SMU1: variants seen among roughly 807,000 people sequenced by gnomAD.
SMU1 encodes the protein WD40 repeat-containing protein SMU1.
Under a neutral mutation model 62.0 loss-of-function variants are expected in SMU1, and 2 were observed. The observed-to-expected ratio is 0.03, with a 90% CI of 0.01 to 0.10. The LOEUF is 0.10. SMU1 is among the 10% of genes least tolerant of loss of function. SMU1 has a pLI of 1.00. For missense variants in SMU1, 227 were observed against 622.1 expected (o/e 0.36, Z 6.76); for synonymous variants, 188 against 212.4 (o/e 0.89, Z 1.00).
In SMU1 at chr9:33,047,339, A is replaced by G. The variant is rs759983891; in HGVS notation, c.1496T>C (p.Ile499Thr). The change falls in exon 12 of 12, where the codon ATT (isoleucine) becomes ACT (threonine). Residue 499 changes from isoleucine to threonine, a missense_variant. By Grantham distance (89) the Ile-to-Thr change is moderately conservative. Around this residue, in one of 5 missense-constraint regions of SMU1, gnomAD observed 25 missense variants for 116.2 expected, o/e 0.22. Transcript: ENST00000397149. Reference sequence around the variant, plus strand: ...GAGTCCATCTTCACTGTAGGTAGCAATCAGGTTCTGATGAGGGTGATGTGC... The same window carrying G: ...GAGTCCATCTTCACTGTAGGTAGCAGTCAGGTTCTGATGAGGGTGATGTGC... ...GIAHHPHQNL[I>T]ATYSEDGLLK... 6.2e-7 allele frequency: 1 copy of G among 1,613,662 alleles called. No homozygotes were observed. The highest frequency in any genetic ancestry group is 1.1e-5 in the South Asian group (1 of 91,040).
chr9:33,063,238 T>G (rs185724754), intron 4 of SMU1, among the ~76,000 whole-genome samples: 1 of 152,228 alleles, frequency 6.6e-6, no homozygotes. Context: ...GGTGCATGCC[T>G]GTAATCCCAG....
intron 11 of SMU1, 40 bp from the exon 12 acceptor site, chr9:33,047,431 G>C (rs1381200030): frequency 6.5e-7 from 1 of 1,546,128 alleles, no homozygotes; most frequent in Non-Finnish European, 8.9e-7. Context: ...GTACAGATCT[G>C]CAATAAATCA....
intron 8 of SMU1, among the ~76,000 whole-genome samples, 180 bp downstream of exon 8, chr9:33,056,656 AT>A (rs942912669): frequency 2.0e-5 from 3 of 152,298 alleles, no homozygotes; most frequent in Admixed American, 2.0e-4. Context: ...AAAAACTCAA[AT>A]GACACAACAA....
chr9:33,060,087 G>A (rs906941654), intron 6 of SMU1, among the ~76,000 whole-genome samples: 3 of 152,112 alleles, frequency 2.0e-5, no homozygotes, highest in African/African-American at 7.2e-5. Flanking sequence ...ATGGCTCACT[G>A]CAACCTCAAA....
chr9:33,042,020 G>A lies in SMU1; in HGVS notation c.*5273C>T, dbSNP rs1290847049. Reference sequence around the variant, plus strand: ...ATTTTGGAAATACAATAGTGGTTGCGTAACATCGTAAATAATGCCACTGAA... The same window carrying A: ...ATTTTGGAAATACAATAGTGGTTGCATAACATCGTAAATAATGCCACTGAA... On this transcript the variant is annotated 3_prime_UTR_variant, in exon 12 of 12. Coordinates refer to ENST00000397149, the MANE Select transcript of SMU1 (RefSeq NM_018225.3). The A allele has an allele frequency of 1.3e-5, 2 of 152,270 alleles. No homozygotes were observed. Among genetic ancestry groups the A allele is most frequent in the Non-Finnish European group, 2.9e-5 (2 of 68,020 alleles). 9.4% of individuals were successfully genotyped at this position (152,270 alleles called of 1,614,324 possible).
Position 33,045,985 on chromosome 9 carries a change from G to A in SMU1, c.*1308C>T, listed in dbSNP as rs1050364824. ...AAGGCCTGCAGAAATAAGAACTCAC[G>A]TTCTTGAAAGTACTGCCTAGCATGG... is the stretch of plus-strand genomic sequence containing the variant. On this transcript the variant is annotated 3_prime_UTR_variant, in exon 12 of 12. Coordinates refer to ENST00000397149, the MANE Select transcript of SMU1 (RefSeq NM_018225.3). 1.3e-5 allele frequency: 2 copies of A among 152,186 alleles called. No homozygotes were observed. Among genetic ancestry groups the A allele is most frequent in the Non-Finnish European group, 2.9e-5 (2 of 68,036 alleles). 9.4% of individuals were successfully genotyped at this position (152,186 alleles called of 1,614,324 possible).
At chr9:33,066,786 C>T (rs1839425469) in intron 4 of SMU1, among the ~76,000 whole-genome samples, 2 of 149,416 alleles carry the variant, frequency 1.3e-5, no homozygotes, top group South Asian at 4.2e-4. Context: ...AGCCTGGCGA[C>T]AGAGTGAGAC....
chr9:33,075,973 G>A (rs1839541364), intron 1 of SMU1, among the ~76,000 whole-genome samples: 1 of 152,108 alleles, frequency 6.6e-6, no homozygotes. Flanking sequence ...TGCCAGATCG[G>A]GCCTGATAGT....
intron 4 of SMU1, among the ~76,000 whole-genome samples, chr9:33,067,661 G>C (rs544392859): frequency 7.7e-4 from 117 of 152,082 alleles, no homozygotes; most frequent in African/African-American, 2.7e-3. Flanking sequence ...ACCACGCCCA[G>C]CTAATTTTTG....
intron 9 of SMU1, 140 bp from the exon 10 acceptor site, chr9:33,053,430 C>A: frequency 1.2e-6 from 1 of 803,058 alleles, no homozygotes; most frequent in Non-Finnish European, 1.9e-6. Flanking sequence ...ATTTTAGGTC[C>A]AATCAAATAC....
chr9:33,053,032 T>G, intron 10 of SMU1, 91 bp downstream of exon 10: 1 of 1,139,782 alleles, frequency 8.8e-7, no homozygotes, highest in Non-Finnish European at 1.3e-6. Flanking sequence ...TGAACCCAAA[T>G]TTGGTTATTG....
intron 3 of SMU1, 84 bp downstream of exon 3, chr9:33,071,656 A>C: frequency 7.4e-7 from 1 of 1,355,934 alleles, no homozygotes; most frequent in Non-Finnish European, 1.0e-6. Flanking sequence ...AGTATACAAT[A>C]AAATGGTAAA....
intron 11 of SMU1, 78 bp from the exon 12 acceptor site, chr9:33,047,469 G>T: frequency 8.2e-7 from 1 of 1,215,356 alleles, no homozygotes; most frequent in Non-Finnish European, 1.2e-6. Context: ...GAGGTGGGTG[G>T]AAGGGAAAAA....
chr9:33,068,186 T>C (rs1449883945), intron 4 of SMU1, among the ~76,000 whole-genome samples: 1 of 152,206 alleles, frequency 6.6e-6, no homozygotes, highest in African/African-American at 2.4e-5. Context: ...GGATTCTAAC[T>C]AGGATGGGCA....
At chr9:33,049,536 T>A (rs146744862) in intron 10 of SMU1, among the ~76,000 whole-genome samples, 118 of 149,956 alleles carry the variant, frequency 7.9e-4, no homozygotes, top group African/African-American at 2.8e-3. Flanking sequence ...GATCTTGAGT[T>A]TGATGACTTT....
chr9:33,076,619 C>T lies in SMU1; in HGVS notation c.-11G>A, dbSNP rs148580461. 2.9e-4 allele frequency: 470 copies of T among 1,613,962 alleles called. 1 individual carries two copies. Among genetic ancestry groups the T allele is most frequent in the Middle Eastern group, 1.3e-3 (8 of 6,062 alleles). On this transcript the variant is annotated 5_prime_UTR_variant, in exon 1 of 12. Coordinates refer to ENST00000397149, the MANE Select transcript of SMU1 (RefSeq NM_018225.3). Reference sequence around the variant, plus strand: ...GATTTCGATCGACATAGCCGTATCTCTCCGGGAGCAGGCCCCAGCTCTCCC... The same window carrying T: ...GATTTCGATCGACATAGCCGTATCTTTCCGGGAGCAGGCCCCAGCTCTCCC...
At chr9:33,060,627 T>A in intron 5 of SMU1, 43 bp from the exon 6 acceptor site, 1 of 1,603,788 alleles carries the variant, frequency 6.2e-7, no homozygotes, top group Non-Finnish European at 8.5e-7. Context: ...TTTTATCTAG[T>A]GGACTTAAAA....
At position 33,074,665 on chromosome 9, in the gene SMU1, C is replaced by A. The variant is rs540020335; in HGVS notation, c.27-859G>T. Among the ~76,000 whole-genome samples, 187 of 151,972 alleles carry A rather than the reference C, an allele frequency of 1.2e-3. 1 individual carries two copies. Among genetic ancestry groups the A allele is most frequent in the Admixed American group, 8.5e-4 (13 of 15,260 alleles). ...TAAGTTTACTTTTATCCCCAATTTACAGATGAGGATTTGATCAGATAATAG... is the reference window on the plus strand; with the variant it reads ...TAAGTTTACTTTTATCCCCAATTTAAAGATGAGGATTTGATCAGATAATAG... On this transcript the variant is annotated intron_variant, in intron 1 of 11. Transcript: ENST00000397149.
rs772590668 is a variant in SMU1 at position 33,060,604 on chromosome 9, G to C, written c.631-20C>G. The C allele has an allele frequency of 6.2e-7, 1 of 1,603,164 alleles. No homozygotes were observed. The highest frequency in any genetic ancestry group is 8.5e-7 in the Non-Finnish European group (1 of 1,177,628). On this transcript the variant is annotated intron_variant, in intron 5 of 11. Coordinates refer to ENST00000397149, the MANE Select transcript of SMU1 (RefSeq NM_018225.3). ...ACCAAACTGTTTCAAATGAAACAAT[G>C]AAACAGATGCATTTTTATCTAGTGG...
Sources: gnomAD v4.1 joint callset for allele counts (sites outside exome capture counted in the v4.1 genomes callset) on GRCh38, gnomAD v4.1.1 for gene constraint, gnomAD v4.1.1 regional missense constraint, MANE v1.5 for transcripts, NCBI Gene and HGNC (gene_info 2026-07-23, HGNC 2026-07-21) for gene names.